The following HDAC5 variants were observed in gnomAD, a reference collection of about 807,000 sequenced individuals.
HDAC5 encodes the protein histone deacetylase 5.
In HDAC5, 25 loss-of-function variants were observed where a neutral mutation model predicts 133.3. The observed-to-expected ratio is 0.19, with a 90% CI of 0.14 to 0.26. The LOEUF (loss-of-function observed/expected upper bound fraction) is 0.26. HDAC5 is among the 10% of genes least tolerant of loss of function. The pLI is 1.00. For missense variants in HDAC5, 1,041 were observed against 1,460.5 expected, an observed-to-expected ratio of 0.71 and a Z score of 4.68; for synonymous variants, 589 against 610.8, an observed-to-expected ratio of 0.96 and a Z score of 0.53.
At chr17:44,080,966 G>C in intron 20 of HDAC5, 84 bp from the exon 21 acceptor site, 1 of 1,567,854 alleles carries the variant, frequency 6.4e-7, no homozygotes, top group Non-Finnish European at 8.7e-7. Flanking sequence ...GAGCACTGTA[G>C]CTCATGCCTG....
At chr17:44,084,490 C>A in intron 16 of HDAC5, 65 bp downstream of exon 16, 1 of 1,597,016 alleles carries the variant, frequency 6.3e-7, no homozygotes, top group South Asian at 1.1e-5. Flanking sequence ...AGGCAGTCTT[C>A]CTGAGAGCCC....
intron 1 of HDAC5, among the ~76,000 whole-genome samples, chr17:44,118,647 A>C (rs453789): frequency 0.97 from 148,199 of 152,212 alleles, 72,272 homozygotes; most frequent in East Asian, 1. Flanking sequence ...ATGCATACAG[A>C]CACCTGGCCC....
rs781768510 is a variant in HDAC5, at chr17:44,078,703, G to C, written c.3164-38C>G. 49 of 1,607,464 alleles carry C rather than the reference G, an allele frequency of 3.0e-5. No homozygotes were observed. The Admixed American group carries it at 6.8e-4, about 22-fold the overall frequency. On this transcript the variant is annotated intron_variant, in intron 25 of 26. Coordinates refer to ENST00000682912, the MANE Select transcript of HDAC5 (RefSeq NM_005474.5). ...GACAGGCAAGGGGTCAGGGAGGGCA[G>C]AGGACACCCACATGAACAGTCCCAG...
At chr17:44,087,132 C>T (rs986168819) in intron 13 of HDAC5, among the ~76,000 whole-genome samples, 4 of 151,490 alleles carry the variant, frequency 2.6e-5, no homozygotes, top group Admixed American at 1.3e-4. Flanking sequence ...CAGGGACCGA[C>T]GCATGCATAC....
At chr17:44,114,723 G>A (rs2052552718) in intron 2 of HDAC5, among the ~76,000 whole-genome samples, 1 of 152,244 alleles carries the variant, frequency 6.6e-6, no homozygotes, top group African/African-American at 2.4e-5. Flanking sequence ...GTTGGGCCGA[G>A]TCTGAGCTGA....
At chr17:44,123,259 G>C (rs889201883) in intron 1 of HDAC5, 2 of 302,864 alleles carry the variant, frequency 6.6e-6, no homozygotes, top group African/African-American at 4.4e-5. Context: ...CTTACCTGTA[G>C]GGAAGGCGCC....
At position 44,093,644 on chromosome 17, in the gene HDAC5, G is replaced by T; in HGVS notation, c.285C>A (p.Phe95Leu). 1 of 1,612,780 alleles carries T rather than the reference G, an allele frequency of 6.2e-7. No homozygotes were observed. The highest frequency in any genetic ancestry group is 8.5e-7 in the Non-Finnish European group (1 of 1,179,756). Residue 95 changes from phenylalanine (F) to leucine (L), a missense_variant, in exon 4 of 27, where the codon TTC becomes TTA. Transcript: ENST00000682912. ...QQQQLQKQLLFAEFQKQHDHL... is the reference protein window; with the variant it reads ...QQQQLQKQLLLAEFQKQHDHL... ...GGTCATGCTGTTTCTGGAACTCAGCGAACAGGAGCTGCTTCTGCAGCTGCT... is the reference window on the plus strand; with the variant it reads ...GGTCATGCTGTTTCTGGAACTCAGCTAACAGGAGCTGCTTCTGCAGCTGCT...
At chr17:44,111,514 C>A in intron 2 of HDAC5, 1 of 475,744 alleles carries the variant, frequency 2.1e-6, no homozygotes, top group East Asian at 6.2e-5. Flanking sequence ...GGCTGCTACT[C>A]TTGGCAAGCA....
intron 2 of HDAC5, among the ~76,000 whole-genome samples, chr17:44,116,289 C>CA (rs1215474463): frequency 6.6e-6 from 1 of 152,218 alleles, no homozygotes; most frequent in Non-Finnish European, 1.5e-5. Flanking sequence ...GATGAGGACC[C>CA]AGGCCTCTCC....
intron 1 of HDAC5, chr17:44,120,450 T>C (rs2052915188): frequency 6.6e-6 from 1 of 152,116 alleles, no homozygotes; most frequent in Non-Finnish European, 1.5e-5. Context: ...TCATCAAAAA[T>C]TACAAACCGG....
Position 44,085,127 on chromosome 17 carries a change from C to T in HDAC5, c.2079G>A (p.Lys693=). The change falls in exon 15 of 27, where the codon AAG becomes AAA. Residue 693 remains lysine (K), a synonymous_variant. Coordinates refer to ENST00000682912, the MANE Select transcript of HDAC5 (RefSeq NM_005474.5). ...GTGTGTTCCCGCACATGCACTGGTG[C>T]TTTAGCATGAACGTGTCGTAGACCA... ...TGVVYDTFML[K]HQCMCGNTHV... is the part of the protein sequence containing the mutation. The T allele has an allele frequency of 6.2e-7, 1 of 1,601,952 alleles. No homozygotes were observed. Among genetic ancestry groups the T allele is most frequent in the Non-Finnish European group, 8.5e-7 (1 of 1,169,950 alleles).
chr17:44,111,156 G>A lies in HDAC5; in HGVS notation c.23-356C>T, dbSNP rs550985475. 2.9e-4 allele frequency: 110 copies of A among 379,958 alleles called. 2 individuals are homozygous for A. The highest frequency in any genetic ancestry group is 2.2e-3 in the South Asian group (91 of 41,538). The allele number at this position is 379,958 out of a possible 1,614,324, so 23.5% of individuals were successfully genotyped here. ...TTGGGACAGGAAGGGGAGCTCAGCG[G>A]GCAGGCGGGCTCTGTGTTCCCTCCC... On this transcript the variant is annotated intron_variant, in intron 2 of 26. Coordinates refer to ENST00000682912, the MANE Select transcript of HDAC5 (RefSeq NM_005474.5).
chr17:44,085,251 C>A, intron 14 of HDAC5, 96 bp from the exon 15 acceptor site: 1 of 1,321,216 alleles, frequency 7.6e-7, no homozygotes, highest in Non-Finnish European at 1.0e-6. Flanking sequence ...GAGCTGTCTC[C>A]AACCCCCAGG....
rs67111880 is a variant in HDAC5, at chr17:44,092,813, T to TGGGGGG, written c.642-13_642-8dup. ...AGAAGCATGGTGGGCTCCCCTGGGG[T>TGGGGGG]GGGGGGGGGGTGGGGATGGAAGCAG... On this transcript the variant is annotated splice_region_variant and splice_polypyrimidine_tract_variant and intron_variant, in intron 6 of 26. Transcript: ENST00000682912. 3 of 407,340 alleles carry TGGGGGG rather than the reference T, an allele frequency of 7.4e-6. No individual in the cohort carries two copies. The highest frequency in any genetic ancestry group is 1.3e-5 in the Non-Finnish European group (3 of 234,766). 25.2% of individuals were successfully genotyped at this position (407,340 alleles called of 1,614,324 possible).
At chr17:44,116,531 A>G (rs966949842) in intron 2 of HDAC5, among the ~76,000 whole-genome samples, 1 of 152,196 alleles carries the variant, frequency 6.6e-6, no homozygotes, top group African/African-American at 2.4e-5. Flanking sequence ...CTAGGCCCCA[A>G]TTGCCCTATC....
chr17:44,085,321 T>A, intron 14 of HDAC5, 166 bp from the exon 15 acceptor site: 2 of 469,172 alleles, frequency 4.3e-6, no homozygotes, highest in African/African-American at 2.1e-5. Context: ...CCCTCTCCTC[T>A]CCAGCTTTTT....
intron 3 of HDAC5, among the ~76,000 whole-genome samples, chr17:44,101,737 G>A (rs144660970): frequency 1.1e-4 from 16 of 152,276 alleles, no homozygotes; most frequent in South Asian, 2.1e-4. Context: ...AGATCTGAAC[G>A]CAGGTGTCCT....
At chr17:44,111,297 G>A (rs747055053) in intron 2 of HDAC5, 1 of 324,006 alleles carries the variant, frequency 3.1e-6, no homozygotes, top group East Asian at 7.9e-5. Context: ...TCTATAAATA[G>A]GTGGAGCATG....
At chr17:44,092,955 G>T in intron 6 of HDAC5, 137 bp downstream of exon 6, 2 of 668,704 alleles carry the variant, frequency 3.0e-6, no homozygotes, top group Admixed American at 3.1e-5. Context: ...AAATAAACCA[G>T]GGATGGGGGT....
Sources: allele counts gnomAD v4.1 joint callset (sites outside exome capture counted in the v4.1 genomes callset), GRCh38; gene constraint gnomAD v4.1.1; transcripts MANE v1.5; gene names NCBI Gene and HGNC (gene_info 2026-07-23, HGNC 2026-07-21).